DTNA: variants seen among roughly 807,000 people sequenced by gnomAD.
DTNA encodes the protein dystrobrevin alpha.
DTNA carries 43 observed loss-of-function variants against 100.7 expected under a neutral mutation model. The ratio of observed to expected loss-of-function variants is 0.43; its 90% CI spans 0.33 to 0.55. The LOEUF is 0.55. DTNA is among the 20% of genes least tolerant of loss of function. The pLI, the probability that DTNA is intolerant of heterozygous loss-of-function variation, is 0.04. For missense variants in DTNA, 798 were observed against 953.9 expected (o/e 0.84, Z 2.15); for synonymous variants, 349 against 347.9 (o/e 1.00, Z -0.04).
intron 13 of DTNA, among the ~76,000 whole-genome samples, chr18:34,846,147 G>A (rs1338822935): frequency 6.6e-6 from 1 of 152,074 alleles, no homozygotes; most frequent in East Asian, 1.9e-4. Context: ...AAGCTTGTTA[G>A]AAATGCATCT....
chr18:34,749,395 T>C (rs1378127792), intron 1 of DTNA, among the ~76,000 whole-genome samples: 2 of 152,076 alleles, frequency 1.3e-5, no homozygotes, highest in Non-Finnish European at 2.9e-5. Flanking sequence ...TTGTTTAGTT[T>C]CAGTTCTCAG....
At chr18:34,558,802 A>C (rs950209449) in intron 1 of DTNA, among the ~76,000 whole-genome samples, 1 of 152,202 alleles carries the variant, frequency 6.6e-6, no homozygotes, top group African/African-American at 2.4e-5. Flanking sequence ...TCTGAGACTG[A>C]AATGTATGTG....
intron 3 of DTNA, among the ~76,000 whole-genome samples, chr18:34,768,824 A>G (rs1293803076): frequency 3.9e-5 from 6 of 152,180 alleles, no homozygotes; most frequent in Non-Finnish European, 8.8e-5. Context: ...CCTTCCTTCA[A>G]GTTGCTCAAA....
intron 1 of DTNA, among the ~76,000 whole-genome samples, chr18:34,728,772 G>A (rs902762381): frequency 4.6e-5 from 7 of 152,142 alleles, no homozygotes; most frequent in Non-Finnish European, 1.0e-4. Flanking sequence ...ACTAGCTCCT[G>A]GAAAGAGGCT....
intron 4 of DTNA, among the ~76,000 whole-genome samples, chr18:34,799,768 A>G (rs775141330): frequency 1.7e-4 from 26 of 152,294 alleles, no homozygotes; most frequent in African/African-American, 3.9e-4. Flanking sequence ...TCCTAATGTC[A>G]CTCGTTGTTT....
intron 1 of DTNA, among the ~76,000 whole-genome samples, chr18:34,725,400 G>T (rs964500087): frequency 3.0e-5 from 4 of 131,966 alleles, no homozygotes; most frequent in African/African-American, 1.1e-4. Flanking sequence ...AAATTTACAA[G>T]AAAAAAAAAA....
rs2096938683 is a variant in DTNA, at chr18:34,888,060, C to T, written c.*326C>T. On this transcript the variant is annotated 3_prime_UTR_variant, in exon 23 of 23. Transcript: ENST00000444659. ...CAGCTACATCCTCTGTAACGTGGTT[C>T]ATCCCTGGTTAAAAAGCAAACAAAC... The T allele has an allele frequency of 1.0e-6, 1 of 985,888 alleles. No homozygotes were observed. Among genetic ancestry groups the T allele is most frequent in the Middle Eastern group, 5.2e-4 (1 of 1,914 alleles). 61.1% of individuals were successfully genotyped at this position (985,888 alleles called of 1,614,324 possible). A position where few individuals can be genotyped will look rare whatever the true frequency, so the allele number is the denominator to read the frequency against.
At chr18:34,866,428 C>G (rs2096705032) in intron 17 of DTNA, 2 of 1,290,468 alleles carry the variant, frequency 1.5e-6, no homozygotes, top group Non-Finnish European at 2.0e-6. Flanking sequence ...AAGTTTCAAA[C>G]CAGTCTTAGC....
intron 2 of DTNA, among the ~76,000 whole-genome samples, chr18:34,763,774 G>A (rs376775727): frequency 5.3e-5 from 8 of 152,138 alleles, no homozygotes; most frequent in African/African-American, 1.9e-4. Flanking sequence ...AACCATGCTT[G>A]ATCATAATGA....
intron 1 of DTNA, among the ~76,000 whole-genome samples, chr18:34,544,787 A>G (rs1184220748): frequency 1.3e-5 from 2 of 151,868 alleles, no homozygotes; most frequent in African/African-American, 4.8e-5. Context: ...TACTGGGCAG[A>G]AAAGAGTGCT....
At position 34,513,067 on chromosome 18, in the gene DTNA, C is replaced by G. The variant is rs536996898; in HGVS notation, c.-2+19553C>G. ...GGATTGATGGTAAACCTAACAGCAG[C>G]ACTGTTTTAGATTGTCATGTGTTTT... On this transcript the variant is annotated intron_variant, in intron 1 of 19. Coordinates refer to the DTNA transcript ENST00000283365. 3.9e-5 allele frequency among the ~76,000 whole-genome samples: 6 copies of G among 152,198 alleles called. No homozygotes were observed. The East Asian group carries it at 1.2e-3, about 29-fold the overall frequency.
At position 34,775,490 on chromosome 18, in the gene DTNA, A is replaced by T. The variant is rs183242140; in HGVS notation, c.148+9449A>T. Among the ~76,000 whole-genome samples the T allele has an allele frequency of 6.4e-3, 977 of 152,274 alleles. 5 individuals carry two copies. Among genetic ancestry groups the T allele is most frequent in the African/African-American group, 0.023 (937 of 41,568 alleles). ...GAGCGAGACTCCATCTCAAAAAAAA[A>T]TAAAAATAAATAAATAAATAAAAAT... On this transcript the variant is annotated intron_variant, in intron 3 of 22. Transcript: ENST00000444659.
intron 1 of DTNA, among the ~76,000 whole-genome samples, chr18:34,701,592 G>T (rs992195873): frequency 6.6e-6 from 1 of 152,038 alleles, no homozygotes; most frequent in African/African-American, 2.4e-5. Context: ...AGAGCTTCAG[G>T]TTAATACAGA....
chr18:34,829,167 A>G lies in DTNA; in HGVS notation c.1086-233A>G, dbSNP rs184525809. The G allele has an allele frequency of 6.5e-5, 104 of 1,612,138 alleles. No individual in the cohort carries two copies. The African/African-American group carries it at 1.3e-3, about 19-fold the overall frequency. On this transcript the variant is annotated intron_variant, in intron 10 of 22. Transcript: ENST00000444659. ...TGCATGGTACCCATTAACCCAAAAT[A>G]TGATTATTTCCCTTTTTTCCCATTT...
chr18:34,561,594 G>C (rs1468790375), intron 1 of DTNA, among the ~76,000 whole-genome samples: 1 of 151,912 alleles, frequency 6.6e-6, no homozygotes, highest in African/African-American at 2.4e-5. Context: ...GGGCATGGTG[G>C]CTCATTATTA....
At chr18:34,707,725 T>TGA (rs1174225148), upstream of DTNA, among the ~76,000 whole-genome samples, 11 of 152,312 alleles carry the variant, frequency 7.2e-5, 1 homozygote, top group Middle Eastern at 3.4e-3. Flanking sequence ...CAGCCACACA[T>TGA]GAGAATAGGT....
chr18:34,746,085 C>T (rs753656089), intron 1 of DTNA, among the ~76,000 whole-genome samples: 4 of 151,526 alleles, frequency 2.6e-5, no homozygotes, highest in Non-Finnish European at 5.9e-5. Context: ...TGCATATATA[C>T]AATATACTCC....
Position 34,884,650 on chromosome 18 carries a change from G to A in DTNA, c.2296-78G>A, listed in dbSNP as rs557841604. The A allele has an allele frequency of 2.5e-5, 38 of 1,522,234 alleles. No individual in the cohort carries two copies. In the East Asian group the frequency reaches 3.2e-4, roughly 13 times the overall value. The allele number at this position is 1,522,234 out of a possible 1,614,324, so 94.3% of individuals were successfully genotyped here. A position where few individuals can be genotyped will look rare whatever the true frequency, so the allele number is the denominator to read the frequency against. ...TCTGTGTCTTTGTGCATGGCTTCCC[G>A]CCAAATAATTCACCAGCTTGACTGC... On this transcript the variant is annotated intron_variant, in intron 21 of 22. Coordinates refer to ENST00000444659, the MANE Select transcript of DTNA (RefSeq NM_001386795.1).
intron 1 of DTNA, among the ~76,000 whole-genome samples, chr18:34,737,287 T>G (rs2089794462): frequency 6.6e-6 from 1 of 152,122 alleles, no homozygotes; most frequent in Non-Finnish European, 1.5e-5. Context: ...CAACATATAG[T>G]TTAAATTGTG....
Sources: allele counts gnomAD v4.1 joint callset (sites outside exome capture counted in the v4.1 genomes callset), GRCh38; gene constraint gnomAD v4.1.1; transcripts MANE v1.5; gene names NCBI Gene and HGNC (gene_info 2026-07-23, HGNC 2026-07-21).